FAM13A: variants seen among roughly 807,000 people sequenced by gnomAD.
The protein encoded by FAM13A is family with sequence similarity 13 member A, also known as protein FAM13A.
In FAM13A, 76 loss-of-function variants were observed where a neutral mutation model predicts 129.6. The ratio of observed to expected loss-of-function variants is 0.59; its 90% confidence interval spans 0.49 to 0.71. The LOEUF (loss-of-function observed/expected upper bound fraction) is 0.71, where lower values mean the gene tolerates loss of function less well. FAM13A is among the 30% of genes least tolerant of loss of function. The probability of loss-of-function intolerance (pLI) is 0.00; values close to 1 mark genes in which losing one functional copy is unlikely to be tolerated. For missense variants in FAM13A, 1,108 were observed against 1,249.3 expected (o/e 0.89, Z 1.70); for synonymous variants, 443 against 449.9 (o/e 0.98, Z 0.20).
chr4:89,040,750 G>A (rs1020100221), intron 1 of FAM13A, among the ~76,000 whole-genome samples: 2 of 152,218 alleles, frequency 1.3e-5, no homozygotes, highest in African/African-American at 4.8e-5. Flanking sequence ...GTGTCAACTT[G>A]ACTGGATTGA....
intron 6 of FAM13A, among the ~76,000 whole-genome samples, chr4:88,877,577 TATC>T (rs1183539840): frequency 6.6e-6 from 1 of 152,194 alleles, no homozygotes; most frequent in Non-Finnish European, 1.5e-5. Flanking sequence ...AGAGGTAAAA[TATC>T]ATACATCAAA....
Position 88,906,428 on chromosome 4 carries a change from A to G in FAM13A, c.794T>C (p.Leu265Ser). Residue 265 changes from leucine (L) to serine (S), a missense_variant, in exon 6 of 24, where the codon TTA (leucine) becomes TCA (serine). Transcript: ENST00000264344. Reference protein sequence around the residue: ...VYYKNSLPILLTRGLERDMPK... With the variant: ...VYYKNSLPILSTRGLERDMPK... ...CATGTCTCTTTCTAAGCCTCTTGTT[A>G]AAAGGATGGGCAGGGAGTTCTTATA... 3 of 1,611,928 alleles carry G rather than the reference A, an allele frequency of 1.9e-6. No homozygotes were observed. Among genetic ancestry groups the G allele is most frequent in the Non-Finnish European group, 2.5e-6 (3 of 1,178,776 alleles).
At chr4:89,007,370 C>A (rs1765188869) in intron 3 of FAM13A, among the ~76,000 whole-genome samples, 1 of 152,140 alleles carries the variant, frequency 6.6e-6, no homozygotes, top group Non-Finnish European at 1.5e-5. Context: ...AAGCAGCCAT[C>A]TGAAGAAGCC....
chr4:88,745,700 A>G (rs1741166104), intron 19 of FAM13A, among the ~76,000 whole-genome samples: 1 of 152,184 alleles, frequency 6.6e-6, no homozygotes, highest in African/African-American at 2.4e-5. Flanking sequence ...AAAGTTTCAC[A>G]GTGTATTTGA....
chr4:88,939,680 G>A (rs1277506865), intron 4 of FAM13A, among the ~76,000 whole-genome samples: 2 of 152,046 alleles, frequency 1.3e-5, no homozygotes, highest in African/African-American at 2.4e-5. Flanking sequence ...ATAGGATGTC[G>A]CTCCCATGAT....
chr4:88,826,813 A>G (rs2149861149), intron 7 of FAM13A, among the ~76,000 whole-genome samples: 1 of 152,184 alleles, frequency 6.6e-6, no homozygotes, highest in South Asian at 2.1e-4. Flanking sequence ...TTATCTGTGT[A>G]TTGGATCTCA....
chr4:88,893,500 G>A (rs1745718253), intron 6 of FAM13A, among the ~76,000 whole-genome samples: 1 of 152,152 alleles, frequency 6.6e-6, no homozygotes, highest in Non-Finnish European at 1.5e-5. Context: ...GCGGGCGCCT[G>A]TAGTCCCAGC....
At chr4:88,945,990 G>GTGTATATATATATATA in intron 4 of FAM13A, among the ~76,000 whole-genome samples, 94 of 61,814 alleles carry the variant, frequency 1.5e-3, no homozygotes, top group African/African-American at 5.3e-3. Context: ...GTGTGTGTGT[G>GTGTATATATATATATA]TATATATATA....
intron 6 of FAM13A, among the ~76,000 whole-genome samples, chr4:88,893,660 A>G (rs1745785312): frequency 7.3e-6 from 1 of 137,170 alleles, no homozygotes. Flanking sequence ...AAATAAATAA[A>G]TAAATAAATA....
At chr4:88,901,235 G>T (rs772614821) in intron 6 of FAM13A, among the ~76,000 whole-genome samples, 62 of 151,890 alleles carry the variant, frequency 4.1e-4, no homozygotes, top group Non-Finnish European at 6.0e-4. Flanking sequence ...ACAGATCATC[G>T]AGACAGAAAA....
intron 6 of FAM13A, among the ~76,000 whole-genome samples, chr4:88,903,439 G>C (rs1436686807): frequency 6.6e-6 from 1 of 152,068 alleles, no homozygotes; most frequent in Non-Finnish European, 1.5e-5. Flanking sequence ...GAATAGAATA[G>C]AGAAGTTAGA....
At chr4:89,056,138 T>C (rs554363063) in intron 1 of FAM13A, among the ~76,000 whole-genome samples, 30 of 152,274 alleles carry the variant, frequency 2.0e-4, no homozygotes, top group African/African-American at 7.2e-4. Context: ...TGGAATACAA[T>C]AGCAACTTGA....
intron 6 of FAM13A, among the ~76,000 whole-genome samples, chr4:88,878,308 A>AAG (rs1228177301): frequency 4.7e-5 from 7 of 149,968 alleles, no homozygotes; most frequent in African/African-American, 1.7e-4. Flanking sequence ...AAAAAAAAAA[A>AAG]AAAAAAAAGA....
At chr4:88,765,428 G>C (rs1293345564) in intron 13 of FAM13A, among the ~76,000 whole-genome samples, 1 of 152,082 alleles carries the variant, frequency 6.6e-6, no homozygotes, top group African/African-American at 2.4e-5. Context: ...AATATATACT[G>C]GTTAAACAGA....
chr4:88,794,696 C>T (rs1423933185), intron 8 of FAM13A, among the ~76,000 whole-genome samples: 1 of 151,730 alleles, frequency 6.6e-6, no homozygotes, highest in Non-Finnish European at 1.5e-5. Context: ...ACAAAATTAT[C>T]AGTTTCTCTA....
At chr4:88,825,053 T>C (rs1196047224) in intron 7 of FAM13A, among the ~76,000 whole-genome samples, 1 of 152,046 alleles carries the variant, frequency 6.6e-6, no homozygotes, top group Non-Finnish European at 1.5e-5. Flanking sequence ...TAATATCTAT[T>C]TTATTGATGA....
At chr4:88,989,768 A>G (rs1379301024) in intron 4 of FAM13A, 1 of 152,146 alleles carries the variant, frequency 6.6e-6, no homozygotes. Flanking sequence ...ATCAAGCCCA[A>G]TGTCTAAGTT....
At chr4:89,019,111 G>A (rs1479296088) in intron 3 of FAM13A, among the ~76,000 whole-genome samples, 2 of 152,174 alleles carry the variant, frequency 1.3e-5, no homozygotes, top group Non-Finnish European at 2.9e-5. Flanking sequence ...GATGGCAAGT[G>A]GAGGTAGTTA....
At position 88,944,282 on chromosome 4, in the gene FAM13A, T is replaced by C. The variant is rs139481846; in HGVS notation, c.606-6041A>G. Among the ~76,000 whole-genome samples, 559 of 152,198 alleles carry C rather than the reference T, an allele frequency of 3.7e-3. 7 individuals carry two copies. The highest frequency in any genetic ancestry group is 2.4e-3 in the Non-Finnish European group (162 of 67,994). ...TGGGAGGACCTCTTGAGCTTAGAAG[T>C]TTGAAGGTGCAGCAAGCTATGATCA... On this transcript the variant is annotated intron_variant, in intron 4 of 23. Transcript: ENST00000264344.
Sources: allele counts gnomAD v4.1 joint callset (sites outside exome capture counted in the v4.1 genomes callset), GRCh38; gene constraint gnomAD v4.1.1; transcripts MANE v1.5; gene names NCBI Gene and HGNC (gene_info 2026-07-23, HGNC 2026-07-21).